Variants in CNRIP1 observed in about 807,000 individuals in gnomAD.
CNRIP1 encodes cannabinoid receptor interacting protein 1, also known as CB1 cannabinoid receptor-interacting protein 1.
Under a neutral mutation model 15.2 loss-of-function variants are expected in CNRIP1, and 10 were observed. The observed-to-expected ratio is 0.66, with a 90% CI of 0.41 to 1.12. CNRIP1 has a LOEUF of 1.12. Among genes scored for constraint, CNRIP1 ranks in the 50% most tolerant of loss-of-function variants. The pLI is 0.00. For missense variants in CNRIP1, 211 were observed against 214.7 expected, an observed-to-expected ratio of 0.98 and a Z score of 0.11; for synonymous variants, 91 against 83.2, an observed-to-expected ratio of 1.09 and a Z score of -0.51.
intron 2 of CNRIP1, among the ~76,000 whole-genome samples, chr2:68,308,031 A>G (rs2103668876): frequency 6.6e-6 from 1 of 152,212 alleles, no homozygotes; most frequent in South Asian, 2.1e-4. Flanking sequence ...CATCTCCACA[A>G]AAAATTTAAA....
At position 68,309,773 on chromosome 2, in the gene CNRIP1, G is replaced by A. The variant is rs1367978747; in HGVS notation, c.330+7384C>T. Among the ~76,000 whole-genome samples the A allele has an allele frequency of 1.3e-5, 2 of 152,194 alleles. 1 individual carries two copies. The highest frequency in any genetic ancestry group is 2.9e-5 in the Non-Finnish European group (2 of 68,030). On this transcript the variant is annotated intron_variant, in intron 2 of 2. Coordinates refer to ENST00000263655, the MANE Select transcript of CNRIP1 (RefSeq NM_015463.3). ...AAATCCTGGAAGAAAGAGATCTGCA[G>A]AAGGAATAGAACCCCAAATCTGACT...
At chr2:68,310,593 A>C (rs543758299) in intron 2 of CNRIP1, among the ~76,000 whole-genome samples, 1 of 152,190 alleles carries the variant, frequency 6.6e-6, no homozygotes, top group African/African-American at 2.4e-5. Context: ...AATACAAAAA[A>C]CCAGTAATAC....
At chr2:68,291,913 CAA>C (rs1671183143), downstream of CNRIP1, among the ~76,000 whole-genome samples, 2 of 147,110 alleles carry the variant, frequency 1.4e-5, no homozygotes, top group East Asian at 2.0e-4. Flanking sequence ...TGGATTATTG[CAA>C]AAGTCATGAT....
chr2:68,313,899 G>C (rs936273949), intron 2 of CNRIP1, among the ~76,000 whole-genome samples: 2 of 152,068 alleles, frequency 1.3e-5, no homozygotes, highest in African/African-American at 4.8e-5. Context: ...ATCTTATACT[G>C]TCTTTGCCTC....
At chr2:68,301,951 A>C in intron 2 of CNRIP1, among the ~76,000 whole-genome samples, 1 of 151,908 alleles carries the variant, frequency 6.6e-6, no homozygotes, top group Non-Finnish European at 1.5e-5. Context: ...CAGTAGAATA[A>C]GTGAATTTAG....
In CNRIP1 at chr2:68,301,888, C is replaced by T. The variant is rs541801106; in HGVS notation, c.331-7862G>A. ...GAGCCTGGGCGACAGAGCGAGTCTC[C>T]GTCTCAAAAAAAAAAAAAAAAAAAA... On this transcript the variant is annotated intron_variant, in intron 2 of 2. Coordinates refer to ENST00000263655, the MANE Select transcript of CNRIP1 (RefSeq NM_015463.3). 1.1e-4 allele frequency among the ~76,000 whole-genome samples: 10 copies of T among 87,714 alleles called. No homozygotes were observed. In the East Asian group the frequency reaches 3.1e-3, roughly 27 times the overall value. 57.5% of individuals were successfully genotyped at this position (87,714 alleles called of 152,430 possible).
intron 2 of CNRIP1, among the ~76,000 whole-genome samples, chr2:68,295,443 A>G (rs1671316414): frequency 6.6e-6 from 1 of 152,168 alleles, no homozygotes; most frequent in Admixed American, 6.5e-5. Flanking sequence ...TCATGGCTTA[A>G]AGACCTATAT....
chr2:68,291,319 T>C (rs1343471320), downstream of CNRIP1, among the ~76,000 whole-genome samples: 1 of 151,594 alleles, frequency 6.6e-6, no homozygotes, highest in Non-Finnish European at 1.5e-5. Context: ...GAGTATAAAA[T>C]AGAGGAACAA....
In CNRIP1 at chr2:68,317,324, T is replaced by G; in HGVS notation, c.180-17A>C. The stretch of plus-strand genomic sequence containing the variant: ...GAAATATTCCTGCAATAGACTTGAG[T>G]TGACCACATACGGTTGAAATTAGCC... On this transcript the variant is annotated splice_polypyrimidine_tract_variant and intron_variant, in intron 1 of 2. Transcript: ENST00000263655. 1.2e-6 allele frequency: 2 copies of G among 1,612,850 alleles called. No homozygotes were observed. Among genetic ancestry groups the G allele is most frequent in the Non-Finnish European group, 1.7e-6 (2 of 1,179,892 alleles).
intron 2 of CNRIP1, among the ~76,000 whole-genome samples, chr2:68,285,479 C>T (rs1290727798): frequency 4.6e-5 from 7 of 151,946 alleles, no homozygotes; most frequent in South Asian, 4.1e-4. Context: ...GCCTGGGCAA[C>T]ATGGTGAAAC....
chr2:68,305,639 CAAA>C (rs1671809647), intron 2 of CNRIP1, among the ~76,000 whole-genome samples: 1 of 151,326 alleles, frequency 6.6e-6, no homozygotes, highest in African/African-American at 2.4e-5. Flanking sequence ...ACTAAAAATA[CAAA>C]AGAATTAGCT....
At chr2:68,303,170 A>G (rs927606598) in intron 2 of CNRIP1, among the ~76,000 whole-genome samples, 20 of 152,152 alleles carry the variant, frequency 1.3e-4, no homozygotes, top group Admixed American at 1.2e-3. Flanking sequence ...ACTACTTGGT[A>G]TCAACTTTGG....
At position 68,319,312 on chromosome 2, in the gene CNRIP1, T is replaced by G; in HGVS notation, c.89A>C (p.Gln30Pro). Residue 30 changes from glutamine to proline, a missense_variant, in exon 1 of 3, where the codon CAG becomes CCG. Gln to Pro is a moderately conservative substitution (Grantham distance 76). Transcript: ENST00000263655. Reference protein sequence around the residue: ...DGPVFYKVDGQRFGQNRTIKL... With the variant: ...DGPVFYKVDGPRFGQNRTIKL... ...GATGGTGCGGTTCTGGCCGAAGCGC[T>G]GCCCGTCCACCTTGTAAAAGACCGG... The G allele has an allele frequency of 6.4e-7, 1 of 1,558,458 alleles. No individual in the cohort carries two copies. The highest frequency in any genetic ancestry group is 2.4e-5 in the East Asian group (1 of 41,964).
intron 2 of CNRIP1, among the ~76,000 whole-genome samples, chr2:68,287,629 G>A (rs1671062484): frequency 6.6e-6 from 1 of 152,218 alleles, no homozygotes; most frequent in Non-Finnish European, 1.5e-5. Flanking sequence ...ATTTGCCATG[G>A]CAAAGGGAAA....
chr2:68,299,235 G>T (rs1671508773), intron 2 of CNRIP1, among the ~76,000 whole-genome samples: 1 of 151,528 alleles, frequency 6.6e-6, no homozygotes, highest in Non-Finnish European at 1.5e-5. Context: ...ATAGTGGACA[G>T]TTTTTTTTTC....
intron 2 of CNRIP1, among the ~76,000 whole-genome samples, chr2:68,301,688 G>A (rs143579505): frequency 0.012 from 1,897 of 152,038 alleles, 38 homozygotes; most frequent in African/African-American, 0.042. Flanking sequence ...TCAGGAGATC[G>A]AGACCATCCT....
intron 2 of CNRIP1, among the ~76,000 whole-genome samples, chr2:68,296,234 G>A (rs1416641400): frequency 6.6e-6 from 1 of 152,190 alleles, no homozygotes; most frequent in African/African-American, 2.4e-5. Flanking sequence ...AGAATACCAT[G>A]AAGAACATGA....
downstream of CNRIP1, among the ~76,000 whole-genome samples, chr2:68,289,759 A>G (rs6716006): frequency 0.77 from 117,889 of 152,184 alleles, 46,523 homozygotes; most frequent in African/African-American, 0.94. Context: ...GGGATTACAG[A>G]CATGAGCCAA....
intron 2 of CNRIP1, among the ~76,000 whole-genome samples, chr2:68,312,305 G>A (rs917744707): frequency 2.0e-5 from 3 of 151,532 alleles, no homozygotes; most frequent in African/African-American, 7.3e-5. Context: ...GGGAATTCAA[G>A]GTTATTTTAA....
Sources: allele counts gnomAD v4.1 joint callset (sites outside exome capture counted in the v4.1 genomes callset), GRCh38; gene constraint gnomAD v4.1.1; transcripts MANE v1.5; gene names NCBI Gene and HGNC (gene_info 2026-07-23, HGNC 2026-07-21).